ENSA: variants seen among roughly 807,000 people sequenced by gnomAD.
ENSA encodes the protein alpha-endosulfine.
Under a neutral mutation model 16.8 loss-of-function variants are expected in ENSA, and 7 were observed. The ratio of observed to expected loss-of-function variants is 0.42; its 90% CI spans 0.24 to 0.78. ENSA has a LOEUF of 0.78. ENSA is among the 30% of genes least tolerant of loss of function. The pLI, the probability that ENSA is intolerant of heterozygous loss-of-function variation, is 0.29. For synonymous variants in ENSA, 58 were observed against 53.4 expected (o/e 1.09, Z -0.37); for missense variants, 87 against 142.3 (o/e 0.61, Z 1.98).
intron 1 of ENSA, chr1:150,628,969 C>A: frequency 7.2e-7 from 1 of 1,380,470 alleles, no homozygotes; most frequent in Non-Finnish European, 1.0e-6. Context: ...CTCCCCTCCC[C>A]CAATACTGGT....
intron 2 of ENSA, chr1:150,626,526 C>T: frequency 6.2e-7 from 1 of 1,613,346 alleles, no homozygotes; most frequent in Non-Finnish European, 8.5e-7. Context: ...GATTTATAAT[C>T]CTACAGTCAT....
At chr1:150,626,601 G>T in intron 2 of ENSA, 1 of 1,132,094 alleles carries the variant, frequency 8.8e-7, no homozygotes, top group Non-Finnish European at 1.3e-6. Context: ...ATGTTGCCCA[G>T]GCTGGAGTGC....
In ENSA at chr1:150,627,468, C is replaced by T; in HGVS notation, c.182G>A (p.Gly61Glu). 1 of 1,614,222 alleles carries T rather than the reference C, an allele frequency of 6.2e-7. No individual in the cohort carries two copies. The highest frequency in any genetic ancestry group is 8.5e-7 in the Non-Finnish European group (1 of 1,180,046). Residue 61 changes from glycine to glutamate, a missense_variant and splice_region_variant, in exon 2 of 4, where the codon GGG (glycine) becomes GAG (glutamate). Coordinates refer to ENST00000369014, the MANE Select transcript of ENSA (RefSeq NM_004436.4). ...AGGGTAAGAGACTATGCCCCATACC[C>T]CTTTCTGGAGTCTCTTCATGAGGAA... ...SDFLMKRLQK[G>E]QKYFDSGDYN...
At chr1:150,625,863 C>G in intron 2 of ENSA, 55 bp from the exon 3 acceptor site, 1 of 1,512,004 alleles carries the variant, frequency 6.6e-7, no homozygotes, top group Non-Finnish European at 8.9e-7. Flanking sequence ...TCCTCAAAAA[C>G]AAGGAGACTC....
At chr1:150,624,045 G>C in intron 3 of ENSA, 1 of 985,412 alleles carries the variant, frequency 1.0e-6, no homozygotes, top group African/African-American at 1.7e-5. Flanking sequence ...ACAGAATCTT[G>C]CTCTCTTGAG....
chr1:150,622,787 AC>A lies in ENSA; in HGVS notation c.*56del. On this transcript the variant is annotated 3_prime_UTR_variant, in exon 4 of 4. Transcript: ENST00000369014. ...AGGAAGGGGCAGGAGCCAGCACAGG[AC>A]CCGGGTGGGGCAGGGAGGGGAAGCG... is the stretch of plus-strand genomic sequence containing the variant. The A allele has an allele frequency of 1.3e-6, 2 of 1,543,962 alleles. No homozygotes were observed. The highest frequency in any genetic ancestry group is 1.7e-4 in the Middle Eastern group (1 of 5,770).
chr1:150,629,434 C>T lies in ENSA; in HGVS notation c.37G>A (p.Glu13Lys). Residue 13 changes from glutamate (E) to lysine (K), a missense_variant, in exon 1 of 4, where the codon GAG (glutamate) becomes AAG (lysine). Physicochemically the swap from Glu to Lys is moderately conservative, Grantham distance 56 (BLOSUM62 1). Transcript: ENST00000369014. ...TTCACCTGCTTCTCCTCGCCGGTCTCCTCCGCAGGGTTCTCTTCTTCTTGT... is the reference window on the plus strand; with the variant it reads ...TTCACCTGCTTCTCCTCGCCGGTCTTCTCCGCAGGGTTCTCTTCTTCTTGT... ...QKQEEENPAE[E>K]TGEEKQDTQE... is the part of the protein sequence containing the mutation. 2 of 1,613,910 alleles carry T rather than the reference C, an allele frequency of 1.2e-6. No individual in the cohort carries two copies. Among genetic ancestry groups the T allele is most frequent in the East Asian group, 2.2e-5 (1 of 44,872 alleles).
At chr1:150,629,107 C>T (rs1032609772) in intron 1 of ENSA, 18 of 1,614,046 alleles carry the variant, frequency 1.1e-5, no homozygotes, top group Admixed American at 1.7e-5. Flanking sequence ...ACCAGCCATC[C>T]CCTTTCCATT....
In ENSA at chr1:150,623,172, C is replaced by T. The variant is rs151318123; in HGVS notation, c.351-313G>A. On this transcript the variant is annotated intron_variant, in intron 3 of 3. Coordinates refer to ENST00000369014, the MANE Select transcript of ENSA (RefSeq NM_004436.4). ...GTTTCCAGGTGGGTAAGCTGCCTGGCTCAGAGCAGGCTGTTTCAGAGGCAT... is the reference window on the plus strand; with the variant it reads ...GTTTCCAGGTGGGTAAGCTGCCTGGTTCAGAGCAGGCTGTTTCAGAGGCAT... The T allele has an allele frequency of 2.5e-5, 30 of 1,178,480 alleles. No homozygotes were observed. In the Admixed American group the frequency reaches 3.5e-4, roughly 14 times the overall value. 73.0% of individuals were successfully genotyped at this position (1,178,480 alleles called of 1,614,324 possible). A position where few individuals can be genotyped will look rare whatever the true frequency, so the allele number is the denominator to read the frequency against.
intron 1 of ENSA, 199 bp downstream of exon 1, chr1:150,629,215 G>C (rs1358230470): frequency 1.9e-6 from 3 of 1,575,772 alleles, no homozygotes; most frequent in Non-Finnish European, 2.6e-6. Flanking sequence ...ATCAGGAAGA[G>C]TACAGTACTG....
At chr1:150,624,430 G>A in intron 3 of ENSA, 12 of 985,928 alleles carry the variant, frequency 1.2e-5, no homozygotes, top group Non-Finnish European at 1.3e-5. Context: ...TCTGAAACAT[G>A]GGTCAACACA....
rs756514812 is a variant in ENSA, at chr1:150,629,400, C to G, written c.57+14G>C. The G allele has an allele frequency of 6.2e-7, 1 of 1,612,058 alleles. No homozygotes were observed. The highest frequency in any genetic ancestry group is 8.5e-7 in the Non-Finnish European group (1 of 1,178,866). On this transcript the variant is annotated intron_variant, in intron 1 of 3. Coordinates refer to ENST00000369014, the MANE Select transcript of ENSA (RefSeq NM_004436.4). Reference sequence around the variant, plus strand: ...GTCTCCCCAGCTCGCCCGCCCGCACCCCTTCCACTTCACCTGCTTCTCCTC... The same window carrying G: ...GTCTCCCCAGCTCGCCCGCCCGCACGCCTTCCACTTCACCTGCTTCTCCTC...
chr1:150,623,945 C>T (rs1019119231), intron 3 of ENSA: 11 of 985,302 alleles, frequency 1.1e-5, no homozygotes, highest in African/African-American at 3.5e-5. Context: ...CCTCATCCCC[C>T]CACATGCACA....
chr1:150,625,911 G>C (rs1282108377), intron 2 of ENSA, 103 bp from the exon 3 acceptor site: 1 of 1,456,020 alleles, frequency 6.9e-7, no homozygotes, highest in African/African-American at 1.4e-5. Flanking sequence ...TGCACACTCG[G>C]ATCTTTCAAG....
intron 3 of ENSA, chr1:150,623,233 A>G (rs923814196): frequency 9.5e-7 from 1 of 1,054,918 alleles, no homozygotes; most frequent in Non-Finnish European, 1.1e-6. Flanking sequence ...GGTAGCACAG[A>G]GATGAGGTGG....
rs1571019228 is a variant in ENSA at position 150,629,406 on chromosome 1, C to T, written c.57+8G>A. 1 of 1,612,954 alleles carries T rather than the reference C, an allele frequency of 6.2e-7. No individual in the cohort carries two copies. Among genetic ancestry groups the T allele is most frequent in the Non-Finnish European group, 8.5e-7 (1 of 1,179,310 alleles). ...CCAGCTCGCCCGCCCGCACCCCTTC[C>T]ACTTCACCTGCTTCTCCTCGCCGGT... On this transcript the variant is annotated splice_region_variant and intron_variant, in intron 1 of 3. Coordinates refer to ENST00000369014, the MANE Select transcript of ENSA (RefSeq NM_004436.4).
chr1:150,626,459 C>T, intron 2 of ENSA: 1 of 1,608,144 alleles, frequency 6.2e-7, no homozygotes, highest in Non-Finnish European at 8.5e-7. Context: ...TGGGATCCTC[C>T]ACAGGGATGT....
At position 150,629,515 on chromosome 1, in the gene ENSA, C is replaced by A. The variant is rs1187048864; in HGVS notation, c.-45G>T. On this transcript the variant is annotated 5_prime_UTR_variant, in exon 1 of 4. Coordinates refer to ENST00000369014, the MANE Select transcript of ENSA (RefSeq NM_004436.4). ...AGTGTAAGGGGCCCGGGAAGGCAAC[C>A]GGAGAAGGGAAGGGGGAGGGGAAAC... 1 of 1,600,092 alleles carries A rather than the reference C, an allele frequency of 6.2e-7. No individual in the cohort carries two copies. The highest frequency in any genetic ancestry group is 8.5e-7 in the Non-Finnish European group (1 of 1,174,242).
rs1343578213 is a variant in ENSA at position 150,622,230 on chromosome 1, A to G, written c.*614T>C. 1 of 152,154 alleles carries G rather than the reference A, an allele frequency of 6.6e-6. No individual in the cohort carries two copies. The highest frequency in any genetic ancestry group is 1.5e-5 in the Non-Finnish European group (1 of 68,038). The allele number at this position is 152,154 out of a possible 1,614,324, so 9.4% of individuals were successfully genotyped here. ...CCCACGCTCACGGCTCCTTTCTCCC[A>G]CACTCACTGCCCTTCTTCCCACAGC... On this transcript the variant is annotated 3_prime_UTR_variant, in exon 4 of 4. Transcript: ENST00000369014.
Sources: allele counts gnomAD v4.1 joint callset, GRCh38; gene constraint gnomAD v4.1.1; transcripts MANE v1.5; gene names NCBI Gene and HGNC (gene_info 2026-07-23, HGNC 2026-07-21).